The following ALG5 variants were observed in gnomAD, a reference collection of about 807,000 sequenced individuals.
ALG5 encodes ALG5 dolichyl-phosphate beta-glucosyltransferase.
A neutral mutation model predicts 51.8 loss-of-function variants in ALG5; 26 were observed. That is an observed-to-expected ratio of 0.50 (90% CI 0.37 to 0.70). ALG5 has a LOEUF of 0.70. Ranked by LOEUF, ALG5 falls within the 30% of genes least tolerant of loss-of-function variation. The probability of loss-of-function intolerance (pLI) is 0.00; values close to 1 mark genes in which losing one functional copy is unlikely to be tolerated. For synonymous variants in ALG5, 141 were observed against 136.1 expected, an observed-to-expected ratio of 1.04 and a Z score of -0.25; for missense variants, 311 against 399.3, an observed-to-expected ratio of 0.78 and a Z score of 1.88.
At chr13:36,957,989 C>T (rs977596907) in intron 8 of ALG5, among the ~76,000 whole-genome samples, 1 of 152,138 alleles carries the variant, frequency 6.6e-6, no homozygotes, top group African/African-American at 2.4e-5. Context: ...ATACATCACA[C>T]TTGAGTCAAA....
In ALG5 at chr13:36,985,521, C is replaced by CA. The variant is rs1243151829; in HGVS notation, c.561+105dup. ...TACCATTTGTATAAGGATTTCATACCAAAAACACTCAGTTTTTAAACTGAT... is the reference window on the plus strand; with the variant it reads ...TACCATTTGTATAAGGATTTCATACCAAAAAACACTCAGTTTTTAAACTGAT... On this transcript the variant is annotated intron_variant, in intron 6 of 9. Coordinates refer to ENST00000239891, the MANE Select transcript of ALG5 (RefSeq NM_013338.5). The CA allele has an allele frequency of 7.5e-6, 6 of 798,232 alleles. No individual in the cohort carries two copies. In the African/African-American group the frequency reaches 1.0e-4, roughly 14 times the overall value. The allele number at this position is 798,232 out of a possible 1,614,324, so 49.4% of individuals were successfully genotyped here.
At position 36,966,662 on chromosome 13, in the gene ALG5, A is replaced by G. The variant is rs550515571; in HGVS notation, c.622-936T>C. 8.7e-4 allele frequency among the ~76,000 whole-genome samples: 133 copies of G among 152,278 alleles called. 1 individual carries two copies. The highest frequency in any genetic ancestry group is 2.4e-3 in the Admixed American group (37 of 15,296). On this transcript the variant is annotated intron_variant, in intron 7 of 9. Coordinates refer to ENST00000239891, the MANE Select transcript of ALG5 (RefSeq NM_013338.5). ...GCAGCTGGGATCACAGGCGTGTGCC[A>G]CTATACCCAGCTTCTTTAAGACACG...
intron 8 of ALG5, among the ~76,000 whole-genome samples, chr13:36,954,747 C>T (rs1240476727): frequency 2.0e-5 from 3 of 152,116 alleles, no homozygotes; most frequent in African/African-American, 4.8e-5. Context: ...GTTTTCTTTT[C>T]TTACTCAGTT....
chr13:36,949,886 A>G lies in ALG5; in HGVS notation c.*56T>C. ...AGCTTTACTTAAAATTTTAGTTTCAAATGAAATGAAATGTGACACTGAAGC... is the reference window on the plus strand; with the variant it reads ...AGCTTTACTTAAAATTTTAGTTTCAGATGAAATGAAATGTGACACTGAAGC... On this transcript the variant is annotated 3_prime_UTR_variant, in exon 10 of 10. Coordinates refer to ENST00000239891, the MANE Select transcript of ALG5 (RefSeq NM_013338.5). The G allele has an allele frequency of 9.2e-7, 1 of 1,090,266 alleles. No homozygotes were observed. The highest frequency in any genetic ancestry group is 1.3e-6 in the Non-Finnish European group (1 of 764,972). The allele number at this position is 1,090,266 out of a possible 1,614,324, so 67.5% of individuals were successfully genotyped here.
chr13:36,953,325 T>A (rs1025735280), intron 8 of ALG5, among the ~76,000 whole-genome samples: 6 of 152,236 alleles, frequency 3.9e-5, no homozygotes, highest in Admixed American at 2.0e-4. Context: ...AAGGTCTTTC[T>A]TAAAGCCTCT....
chr13:36,994,835 G>A (rs1387377765), intron 3 of ALG5, among the ~76,000 whole-genome samples, 154 bp downstream of exon 3: 5 of 151,880 alleles, frequency 3.3e-5, no homozygotes, highest in Middle Eastern at 3.2e-3. Flanking sequence ...GCTACGTGCC[G>A]GGCTTATGGA....
At chr13:36,966,255 T>C (rs2058892961) in intron 7 of ALG5, among the ~76,000 whole-genome samples, 1 of 152,194 alleles carries the variant, frequency 6.6e-6, no homozygotes. Context: ...TTTCTAAGCA[T>C]GCCAGAGATC....
At chr13:36,974,718 C>T (rs931318393) in intron 6 of ALG5, among the ~76,000 whole-genome samples, 1 of 151,964 alleles carries the variant, frequency 6.6e-6, no homozygotes, top group Non-Finnish European at 1.5e-5. Flanking sequence ...TAAAGCCCCC[C>T]CACCACCATC....
intron 6 of ALG5, among the ~76,000 whole-genome samples, chr13:36,980,831 T>C (rs1390583259): frequency 6.6e-6 from 1 of 151,748 alleles, no homozygotes; most frequent in African/African-American, 2.4e-5. Context: ...AAAAATAGCC[T>C]GGCGTGGTGG....
In ALG5 at chr13:36,995,034, C is replaced by T; in HGVS notation, c.240G>A (p.Leu80=). 6.2e-7 allele frequency: 1 copy of T among 1,612,812 alleles called. No individual in the cohort carries two copies. The highest frequency in any genetic ancestry group is 1.7e-5 in the Admixed American group (1 of 59,938). The change falls in exon 3 of 10, where the codon TTG becomes TTA. Residue 80 remains leucine (L), a splice_region_variant and synonymous_variant. Coordinates refer to ENST00000239891, the MANE Select transcript of ALG5 (RefSeq NM_013338.5). ...VVPSYNEEKR[L]PVMMDEALSY... ...TCAGAGCTTCATCCATCATCACAGGCACTTGAAGAAAAAAATATATTAAAA... is the reference window on the plus strand; with the variant it reads ...TCAGAGCTTCATCCATCATCACAGGTACTTGAAGAAAAAAATATATTAAAA...
At chr13:36,974,568 G>C (rs1019423866) in intron 6 of ALG5, among the ~76,000 whole-genome samples, 18 of 151,872 alleles carry the variant, frequency 1.2e-4, no homozygotes, top group African/African-American at 4.4e-4. Context: ...ATTTATTCAT[G>C]TTAAAGTTTA....
intron 8 of ALG5, among the ~76,000 whole-genome samples, chr13:36,953,859 C>T (rs2058828526): frequency 6.6e-6 from 1 of 152,126 alleles, no homozygotes. Context: ...AATATTAAGC[C>T]TGGTGCTTTA....
intron 9 of ALG5, among the ~76,000 whole-genome samples, chr13:36,951,013 A>T (rs1000820446): frequency 9.9e-5 from 15 of 152,198 alleles, no homozygotes; most frequent in African/African-American, 3.1e-4. Context: ...CACTGCTCTG[A>T]ATTTATATGA....
At position 36,974,810 on chromosome 13, in the gene ALG5, A is replaced by G. The variant is rs2058942560; in HGVS notation, c.562-2774T>C. Among the ~76,000 whole-genome samples the G allele has an allele frequency of 7.2e-5, 11 of 152,288 alleles. No homozygotes were observed. In the South Asian group the frequency reaches 2.3e-3, roughly 32 times the overall value. ...ATATAATGTCAATCATAGTACCACT[A>G]TGACACCTAAAACACCAATAATTCC... On this transcript the variant is annotated intron_variant, in intron 6 of 9. Coordinates refer to ENST00000239891, the MANE Select transcript of ALG5 (RefSeq NM_013338.5).
intron 6 of ALG5, among the ~76,000 whole-genome samples, chr13:36,982,907 G>A (rs539273289): frequency 4.7e-4 from 72 of 152,308 alleles, no homozygotes; most frequent in Non-Finnish European, 7.2e-4. Context: ...TTAAGGTGCT[G>A]TAAAACCAAG....
In ALG5 at chr13:36,977,412, G is replaced by A. The variant is rs545594290; in HGVS notation, c.562-5376C>T. ...TGTGCCTGTAGTCCTAGCCACTAGG[G>A]AGGCTGAGGTAAGAGGATTGTGGCT... On this transcript the variant is annotated intron_variant, in intron 6 of 9. Transcript: ENST00000239891. 2.1e-4 allele frequency among the ~76,000 whole-genome samples: 32 copies of A among 152,216 alleles called. No individual in the cohort carries two copies. In the East Asian group the frequency reaches 5.4e-3, roughly 26 times the overall value.
At chr13:36,955,686 G>GGA (rs1236711874) in intron 8 of ALG5, among the ~76,000 whole-genome samples, 49 of 36,496 alleles carry the variant, frequency 1.3e-3, no homozygotes, top group African/African-American at 3.1e-3. Flanking sequence ...CAGAGATTGT[G>GGA]AAAAAAAAAA....
chr13:36,965,570 C>G lies in ALG5; in HGVS notation c.773+5G>C. 6.2e-7 allele frequency: 1 copy of G among 1,612,658 alleles called. No individual in the cohort carries two copies. The highest frequency in any genetic ancestry group is 8.5e-7 in the Non-Finnish European group (1 of 1,179,328). On this transcript the variant is annotated splice_donor_5th_base_variant and intron_variant, in intron 8 of 9. Coordinates refer to ENST00000239891, the MANE Select transcript of ALG5 (RefSeq NM_013338.5). Reference sequence around the variant, plus strand: ...AGACTGGATACATTCCAGTCAGAAACCTACCATCGTTCAACGTGTAGAGAT... The same window carrying G: ...AGACTGGATACATTCCAGTCAGAAAGCTACCATCGTTCAACGTGTAGAGAT...
chr13:36,957,946 A>G (rs2058848042), intron 8 of ALG5, among the ~76,000 whole-genome samples: 1 of 152,034 alleles, frequency 6.6e-6, no homozygotes, highest in Non-Finnish European at 1.5e-5. Context: ...ATCTACCCCA[A>G]CCGCGTTTAA....
Sources: allele counts gnomAD v4.1 joint callset (sites outside exome capture counted in the v4.1 genomes callset), GRCh38; gene constraint gnomAD v4.1.1; transcripts MANE v1.5; gene names NCBI Gene and HGNC (gene_info 2026-07-23, HGNC 2026-07-21).